ZDHHC17: variants seen among roughly 807,000 people sequenced by gnomAD.
ZDHHC17 encodes the protein zDHHC palmitoyltransferase 17, also known as palmitoyltransferase ZDHHC17.
In ZDHHC17, 40 loss-of-function variants were observed where a neutral mutation model predicts 90.3. That is an observed-to-expected ratio of 0.44 (90% confidence interval 0.34 to 0.58). ZDHHC17 has a LOEUF of 0.58. Among genes scored for constraint, ZDHHC17 ranks in the 20% least tolerant of loss-of-function variants. ZDHHC17 has a pLI of 0.01. For synonymous variants in ZDHHC17, 235 were observed against 252.4 expected (o/e 0.93, Z 0.65); for missense variants, 614 against 780.8 (o/e 0.79, Z 2.55).
intron 1 of ZDHHC17, among the ~76,000 whole-genome samples, chr12:76,787,540 T>G (rs1952702550): frequency 6.6e-6 from 1 of 152,156 alleles, no homozygotes; most frequent in Non-Finnish European, 1.5e-5. Context: ...GTATTCTCAT[T>G]TTACTTTTCC....
intron 1 of ZDHHC17, among the ~76,000 whole-genome samples, chr12:76,795,217 G>GGTGT (rs71085456): frequency 0.014 from 2,028 of 148,698 alleles, 13 homozygotes; most frequent in Non-Finnish European, 0.02. Context: ...TTGGTTCATG[G>GGTGT]GTGTGTGTGT....
chr12:76,850,689 A>G (rs1283364093), intron 16 of ZDHHC17, among the ~76,000 whole-genome samples, 158 bp from the exon 17 acceptor site: 1 of 152,232 alleles, frequency 6.6e-6, no homozygotes, highest in Admixed American at 6.5e-5. Flanking sequence ...ACATGAAGGC[A>G]TATATATTTT....
At chr12:76,810,006 A>G in intron 5 of ZDHHC17, 149 bp downstream of exon 5, 1 of 804,422 alleles carries the variant, frequency 1.2e-6, no homozygotes, top group South Asian at 2.0e-5. Context: ...TGATATGGAG[A>G]TATTTAATGT....
At chr12:76,831,922 A>G (rs1953306493) in intron 10 of ZDHHC17, among the ~76,000 whole-genome samples, 1 of 152,216 alleles carries the variant, frequency 6.6e-6, no homozygotes, top group Non-Finnish European at 1.5e-5. Flanking sequence ...CTGGGATTAC[A>G]AGTGTGAGCC....
chr12:76,835,765 T>C (rs575561934), intron 10 of ZDHHC17, among the ~76,000 whole-genome samples: 3 of 152,174 alleles, frequency 2.0e-5, no homozygotes, highest in Admixed American at 1.3e-4. Flanking sequence ...CTCAGTACAC[T>C]GTGGAATAGA....
intron 14 of ZDHHC17, among the ~76,000 whole-genome samples, chr12:76,847,822 C>T (rs957799485): frequency 1.3e-5 from 2 of 152,124 alleles, no homozygotes; most frequent in Non-Finnish European, 2.9e-5. Context: ...TGAGCCACTG[C>T]ACTCCAGCCT....
intron 1 of ZDHHC17, among the ~76,000 whole-genome samples, chr12:76,766,892 C>T (rs566822556): frequency 6.6e-6 from 1 of 151,796 alleles, no homozygotes; most frequent in Non-Finnish European, 1.5e-5. Flanking sequence ...TGGTGGTACA[C>T]GCCTGTAGTC....
Position 76,833,335 on chromosome 12 carries a change from A to G in ZDHHC17, c.1141+4845A>G, listed in dbSNP as rs190811853. 2.3e-3 allele frequency among the ~76,000 whole-genome samples: 343 copies of G among 152,346 alleles called. 1 individual carries two copies. Among genetic ancestry groups the G allele is most frequent in the African/African-American group, 7.9e-3 (328 of 41,578 alleles). On this transcript the variant is annotated intron_variant, in intron 10 of 16. Coordinates refer to ENST00000426126, the MANE Select transcript of ZDHHC17 (RefSeq NM_015336.4). Reference sequence around the variant, plus strand: ...CTGAGAAGTTGTTATGTCTTGCTCAAAGTCACATAGGTGGGAAATTATTAA... The same window carrying G: ...CTGAGAAGTTGTTATGTCTTGCTCAGAGTCACATAGGTGGGAAATTATTAA...
intron 10 of ZDHHC17, among the ~76,000 whole-genome samples, chr12:76,830,089 A>G (rs549475016): frequency 6.6e-6 from 1 of 152,346 alleles, no homozygotes; most frequent in African/African-American, 2.4e-5. Flanking sequence ...TTTTACATAG[A>G]AAAAGTTCAG....
intron 10 of ZDHHC17, among the ~76,000 whole-genome samples, chr12:76,829,545 GTCTTAGTCT>G (rs2137788228): frequency 6.7e-6 from 1 of 149,538 alleles, no homozygotes; most frequent in African/African-American, 2.5e-5. Flanking sequence ...GGCTTAATGA[GTCTTAGTCT>G]CTAATCAAGT....
chr12:76,783,628 C>T (rs1044374995), intron 1 of ZDHHC17, among the ~76,000 whole-genome samples: 1 of 152,254 alleles, frequency 6.6e-6, no homozygotes, highest in Non-Finnish European at 1.5e-5. Flanking sequence ...TATCTCTTCT[C>T]ACTTCTCCAC....
intron 1 of ZDHHC17, among the ~76,000 whole-genome samples, chr12:76,790,611 G>T (rs1272786906): frequency 1.3e-5 from 2 of 152,216 alleles, no homozygotes; most frequent in Non-Finnish European, 2.9e-5. Context: ...AGGGATTAAT[G>T]CTAGAAGGAA....
intron 1 of ZDHHC17, among the ~76,000 whole-genome samples, chr12:76,791,267 A>G (rs1033734837): frequency 4.6e-5 from 7 of 152,138 alleles, no homozygotes; most frequent in Admixed American, 2.6e-4. Flanking sequence ...TCACTTGGTT[A>G]TATATTTTTA....
chr12:76,789,381 G>C (rs1324581138), intron 1 of ZDHHC17, among the ~76,000 whole-genome samples: 2 of 152,142 alleles, frequency 1.3e-5, no homozygotes, highest in Admixed American at 1.3e-4. Flanking sequence ...ATGGTGAAGA[G>C]AATGTTAGGG....
At chr12:76,846,143 C>T in intron 13 of ZDHHC17, 1 of 232,958 alleles carries the variant, frequency 4.3e-6, no homozygotes, top group Non-Finnish European at 8.4e-6. Flanking sequence ...GAACAGTACA[C>T]ACATTAGTGT....
At chr12:76,776,435 A>G (rs529944173) in intron 1 of ZDHHC17, among the ~76,000 whole-genome samples, 17 of 152,270 alleles carry the variant, frequency 1.1e-4, no homozygotes, top group African/African-American at 4.1e-4. Flanking sequence ...GTACACTCAG[A>G]ATTTTCTATG....
intron 1 of ZDHHC17, among the ~76,000 whole-genome samples, chr12:76,788,162 A>G (rs547405439): frequency 6.6e-6 from 1 of 152,220 alleles, no homozygotes; most frequent in African/African-American, 2.4e-5. Context: ...GATTATCTCT[A>G]CTCTCTAGAA....
chr12:76,807,781 G>A (rs1952972379), intron 3 of ZDHHC17, among the ~76,000 whole-genome samples: 2 of 152,018 alleles, frequency 1.3e-5, no homozygotes, highest in South Asian at 4.2e-4. Context: ...TATAGAGAAG[G>A]GGATGAAATT....
intron 10 of ZDHHC17, among the ~76,000 whole-genome samples, chr12:76,829,187 T>C (rs1050445397): frequency 6.6e-6 from 1 of 151,996 alleles, no homozygotes; most frequent in African/African-American, 2.4e-5. Context: ...GGCTGGGCGC[T>C]GCGTCTCACA....
Sources: allele counts gnomAD v4.1 joint callset (sites outside exome capture counted in the v4.1 genomes callset), GRCh38; gene constraint gnomAD v4.1.1; transcripts MANE v1.5; gene names NCBI Gene and HGNC (gene_info 2026-07-23, HGNC 2026-07-21).